EDN3: variants seen among roughly 807,000 people sequenced by gnomAD.
EDN3 encodes the protein endothelin-3.
EDN3 carries 9 observed loss-of-function variants against 21.4 expected under a neutral mutation model. The ratio of observed to expected loss-of-function variants is 0.42; its 90% CI spans 0.25 to 0.73. EDN3 has a LOEUF of 0.73. Among genes scored for constraint, EDN3 ranks in the 30% least tolerant of loss-of-function variants. The pLI, the probability that EDN3 is intolerant of heterozygous loss-of-function variation, is 0.26. For synonymous variants in EDN3, 133 were observed against 126.2 expected, an observed-to-expected ratio of 1.05 and a Z score of -0.36; for missense variants, 327 against 309.4, an observed-to-expected ratio of 1.06 and a Z score of -0.43.
chr20:59,316,029 CA>C (rs1309543709), intron 2 of EDN3, among the ~76,000 whole-genome samples: 1 of 151,944 alleles, frequency 6.6e-6, no homozygotes, highest in African/African-American at 2.4e-5. Flanking sequence ...ACTAAAAATA[CA>C]AAAAAATTAG....
chr20:59,324,598 ACCC>A lies in EDN3; in HGVS notation c.*147_*149del. The A allele has an allele frequency of 1.0e-5, 9 of 867,180 alleles. No individual in the cohort carries two copies. The highest frequency in any genetic ancestry group is 1.5e-5 in the Non-Finnish European group (9 of 591,278). The allele number at this position is 867,180 out of a possible 1,614,324, so 53.7% of individuals were successfully genotyped here. On this transcript the variant is annotated 3_prime_UTR_variant, in exon 5 of 5. Transcript: ENST00000337938. ...ACCCAAAGAGTCCCCACTTAACAAT[ACCC>A]CCCCCCCACGGCAAGAATGCCCAAA...
rs1375218356 is a variant in EDN3, at chr20:59,325,884, G to A, written c.*1425G>A. The A allele has an allele frequency of 6.6e-6, 1 of 152,182 alleles. No individual in the cohort carries two copies. Among genetic ancestry groups the A allele is most frequent in the Non-Finnish European group, 1.5e-5 (1 of 68,038 alleles). The allele number at this position is 152,182 out of a possible 1,614,324, so 9.4% of individuals were successfully genotyped here. On this transcript the variant is annotated 3_prime_UTR_variant, in exon 5 of 5. Coordinates refer to ENST00000337938, the MANE Select transcript of EDN3 (RefSeq NM_207034.3). Reference sequence around the variant, plus strand: ...TGAATTACATTTTTAAAATGCATATGTGCTGTTTGGCACCGTGGCAAGATG... The same window carrying A: ...TGAATTACATTTTTAAAATGCATATATGCTGTTTGGCACCGTGGCAAGATG...
intron 2 of EDN3, among the ~76,000 whole-genome samples, chr20:59,304,551 G>A (rs1361921315): frequency 6.6e-6 from 1 of 152,150 alleles, no homozygotes; most frequent in Non-Finnish European, 1.5e-5. Context: ...TTCCTCCCAT[G>A]GCGCATCCAG....
chr20:59,312,057 A>G (rs959543951), intron 2 of EDN3, among the ~76,000 whole-genome samples: 1 of 152,052 alleles, frequency 6.6e-6, no homozygotes, highest in Admixed American at 6.6e-5. Flanking sequence ...CCCTTTGCAC[A>G]TAACCCCATC....
rs1189090985 is a variant in EDN3, at chr20:59,322,602, G to C, written c.588+185G>C. On this transcript the variant is annotated intron_variant, in intron 4 of 4. Coordinates refer to ENST00000337938, the MANE Select transcript of EDN3 (RefSeq NM_207034.3). The surrounding 1 kb of genome is among the most constrained non-coding windows in gnomAD (Gnocchi z 4.1). ...TTGGTGGACCGTTTCTGGGGGCAGA[G>C]CGGGCTGAAGCTGTGGACAGCTGCT... 1.2e-6 allele frequency: 1 copy of C among 818,388 alleles called. No individual in the cohort carries two copies. Among genetic ancestry groups the C allele is most frequent in the South Asian group, 1.5e-5 (1 of 65,112 alleles). 50.7% of individuals were successfully genotyped at this position (818,388 alleles called of 1,614,324 possible).
rs559849084 is a variant in EDN3, at chr20:59,325,422, G to A, written c.*963G>A. The A allele has an allele frequency of 2.6e-5, 4 of 152,454 alleles. No homozygotes were observed. Among genetic ancestry groups the A allele is most frequent in the East Asian group, 3.9e-4 (2 of 5,186 alleles). 9.4% of individuals were successfully genotyped at this position (152,454 alleles called of 1,614,324 possible). On this transcript the variant is annotated 3_prime_UTR_variant, in exon 5 of 5. Transcript: ENST00000337938. ...TCAGCTGCGCTCTTCCCACCGAGCC[G>A]AGCTTACTGTGAGTGTGGAGATGTT...
At chr20:59,323,567 T>A in intron 4 of EDN3, 1 of 398,968 alleles carries the variant, frequency 2.5e-6, no homozygotes, top group Non-Finnish European at 4.4e-6. Context: ...CAATTTAAAG[T>A]GAGATTGCAA....
chr20:59,301,026 G>A (rs2146811708), intron 1 of EDN3, among the ~76,000 whole-genome samples, 162 bp downstream of exon 1: 2 of 152,352 alleles, frequency 1.3e-5, no homozygotes, highest in Admixed American at 6.5e-5. Flanking sequence ...GAGCAGAAGC[G>A]GCGCGCAACG....
intron 2 of EDN3, 120 bp downstream of exon 2, chr20:59,301,842 C>T (rs1989068441): frequency 2.6e-6 from 3 of 1,171,002 alleles, no homozygotes; most frequent in African/African-American, 1.5e-5. Flanking sequence ...TGCCCTGGCA[C>T]AGCCTTTAGC....
chr20:59,314,242 T>C (rs1990031519), intron 2 of EDN3, among the ~76,000 whole-genome samples: 1 of 152,190 alleles, frequency 6.6e-6, no homozygotes, highest in South Asian at 2.1e-4. Flanking sequence ...CTTTTCTGTG[T>C]GTTGTCGCAG....
At position 59,324,604 on chromosome 20, in the gene EDN3, C is replaced by G. The variant is rs886056881; in HGVS notation, c.*145C>G. The G allele has an allele frequency of 6.6e-5, 73 of 1,105,070 alleles. 1 individual carries two copies. Among genetic ancestry groups the G allele is most frequent in the Non-Finnish European group, 9.1e-5 (69 of 762,000 alleles). The allele number at this position is 1,105,070 out of a possible 1,614,324, so 68.5% of individuals were successfully genotyped here. On this transcript the variant is annotated 3_prime_UTR_variant, in exon 5 of 5. Transcript: ENST00000337938. ...AGAGTCCCCACTTAACAATACCCCCCCCCCACGGCAAGAATGCCCAAATCC... is the reference window on the plus strand; with the variant it reads ...AGAGTCCCCACTTAACAATACCCCCGCCCCACGGCAAGAATGCCCAAATCC...
rs1990616055 is a variant in EDN3, at chr20:59,322,547, G to A, written c.588+130G>A. On this transcript the variant is annotated intron_variant, in intron 4 of 4. Coordinates refer to ENST00000337938, the MANE Select transcript of EDN3 (RefSeq NM_207034.3). This position sits in a 1 kb window ranked among gnomAD's most constrained non-coding sequence, Gnocchi z 4.1. Reference sequence around the variant, plus strand: ...GTCCAGTGGGAACCCCAGATCTCATGGGATGCTGCACCCACAAGCAATGGT... The same window carrying A: ...GTCCAGTGGGAACCCCAGATCTCATAGGATGCTGCACCCACAAGCAATGGT... The A allele has an allele frequency of 1.6e-6, 2 of 1,248,640 alleles. No individual in the cohort carries two copies. The highest frequency in any genetic ancestry group is 3.8e-5 in the Admixed American group (2 of 52,874). 77.3% of individuals were successfully genotyped at this position (1,248,640 alleles called of 1,614,324 possible). A position where few individuals can be genotyped will look rare whatever the true frequency, so the allele number is the denominator to read the frequency against.
intron 2 of EDN3, among the ~76,000 whole-genome samples, chr20:59,304,012 T>C (rs1362505425): frequency 1.3e-5 from 2 of 152,114 alleles, no homozygotes; most frequent in Non-Finnish European, 2.9e-5. Flanking sequence ...AATGGCCTCC[T>C]TCCCTCCCTT....
rs1410701227 is a variant in EDN3 at position 59,320,944 on chromosome 20, G to T, written c.366-73G>T. ...CCTTTTCAGCCAGGCGGTGGTTCTCGCTCCACACCCTTGGGGGCCCCTGAG... is the reference window on the plus strand; with the variant it reads ...CCTTTTCAGCCAGGCGGTGGTTCTCTCTCCACACCCTTGGGGGCCCCTGAG... On this transcript the variant is annotated intron_variant, in intron 2 of 4. Coordinates refer to ENST00000337938, the MANE Select transcript of EDN3 (RefSeq NM_207034.3). 1.1e-5 allele frequency: 17 copies of T among 1,549,306 alleles called. 1 individual carries two copies. The highest frequency in any genetic ancestry group is 1.3e-5 in the Non-Finnish European group (15 of 1,125,578).
In EDN3 at chr20:59,325,462, A is replaced by G. The variant is rs1990785789; in HGVS notation, c.*1003A>G. 6.6e-6 allele frequency: 1 copy of G among 152,366 alleles called. No homozygotes were observed. The highest frequency in any genetic ancestry group is 2.4e-5 in the African/African-American group (1 of 41,574). The allele number at this position is 152,366 out of a possible 1,614,324, so 9.4% of individuals were successfully genotyped here. ...GTGGAGATGTTATCCCACCATGTAA[A>G]GTCGCCTGCGCAGGGGAGGGCTGCC... is the stretch of plus-strand genomic sequence containing the variant. On this transcript the variant is annotated 3_prime_UTR_variant, in exon 5 of 5. Transcript: ENST00000337938.
rs260740 is a variant in EDN3 at position 59,305,927 on chromosome 20, T to G, written c.365+4205T>G. Among the ~76,000 whole-genome samples, 43,008 of 152,060 alleles carry G rather than the reference T, an allele frequency of 0.28. 6,206 individuals carry two copies. Among genetic ancestry groups the G allele is most frequent in the Middle Eastern group, 0.39 (114 of 294 alleles). ...TTTGACTAAACAACTGGGCACAGTA[T>G]CCTAGCCAAGTTGACACCTAAAGTG... On this transcript the variant is annotated intron_variant, in intron 2 of 4. Transcript: ENST00000337938. The surrounding 1 kb of genome is among the most constrained non-coding windows in gnomAD (Gnocchi z 4.2).
In EDN3 at chr20:59,322,102, G is replaced by A. The variant is rs558289425; in HGVS notation, c.543-270G>A. On this transcript the variant is annotated intron_variant, in intron 3 of 4. Coordinates refer to ENST00000337938, the MANE Select transcript of EDN3 (RefSeq NM_207034.3). This position sits in a 1 kb window ranked among gnomAD's most constrained non-coding sequence, Gnocchi z 4.1. ...AGCGCTCAGGACCCCAGGATCTGCC[G>A]TCTGTGAAACCCAGTGTGAACTGCA... Among the ~76,000 whole-genome samples, 36 of 152,132 alleles carry A rather than the reference G, an allele frequency of 2.4e-4. No individual in the cohort carries two copies. Among genetic ancestry groups the A allele is most frequent in the East Asian group, 5.8e-4 (3 of 5,194 alleles).
Position 59,324,417 on chromosome 20 carries a change from A to G in EDN3, c.675A>G (p.Pro225=), listed in dbSNP as rs754204521. 4.3e-6 allele frequency: 7 copies of G among 1,613,878 alleles called. No individual in the cohort carries two copies. The African/African-American group carries it at 5.3e-5, about 12-fold the overall frequency. ...LMPGSGLALA[P]STCPRCLFQE... is the part of the protein sequence containing the mutation. ...CCGGCAGTGGACTCGCCCTCGCTCC[A>G]TCTACCTGCCCCCGCTGCCTCTTTC... The change falls in exon 5 of 5, where the codon CCA becomes CCG. Residue 225 remains proline, a synonymous_variant. Coordinates refer to ENST00000337938, the MANE Select transcript of EDN3 (RefSeq NM_207034.3).
At position 59,322,452 on chromosome 20, in the gene EDN3, G is replaced by A; in HGVS notation, c.588+35G>A. The A allele has an allele frequency of 1.9e-6, 3 of 1,614,148 alleles. No homozygotes were observed. The highest frequency in any genetic ancestry group is 2.2e-5 in the South Asian group (2 of 91,070). ...GCCAACAGAGGCCTGTGTCAAAGGA[G>A]GTGAAGATGTGACGTGTCATTCCTT... On this transcript the variant is annotated intron_variant, in intron 4 of 4. Transcript: ENST00000337938. The surrounding 1 kb of genome is among the most constrained non-coding windows in gnomAD (Gnocchi z 4.1).
Sources: gnomAD v4.1 joint callset for allele counts (sites outside exome capture counted in the v4.1 genomes callset) on GRCh38, gnomAD v4.1.1 for gene constraint, Gnocchi (gnomAD v3.1) non-coding constraint, MANE v1.5 for transcripts, NCBI Gene and HGNC (gene_info 2026-07-23, HGNC 2026-07-21) for gene names.